Variants in TTC8 observed in about 807,000 individuals in gnomAD.
TTC8 encodes tetratricopeptide repeat domain 8.
A neutral mutation model predicts 72.5 loss-of-function variants in TTC8; 47 were observed. The ratio of observed to expected loss-of-function variants is 0.65; its 90% confidence interval spans 0.51 to 0.83. The LOEUF (loss-of-function observed/expected upper bound fraction) is 0.83. Ranked by LOEUF, TTC8 falls within the 40% of genes least tolerant of loss-of-function variation. The pLI is 0.00. For missense variants in TTC8, 611 were observed against 623.2 expected (o/e 0.98, Z 0.21); for synonymous variants, 199 against 221.4 (o/e 0.90, Z 0.90).
chr14:88,858,367 G>A (rs1202593725), intron 9 of TTC8, among the ~76,000 whole-genome samples: 7 of 152,104 alleles, frequency 4.6e-5, no homozygotes, highest in Non-Finnish European at 1.0e-4. Context: ...TTATCTGTTA[G>A]AGTTTCTTAA....
At chr14:88,824,895 G>C (rs1212065161) in intron 1 of TTC8, 74 bp downstream of exon 1, 80 of 1,411,744 alleles carry the variant, frequency 5.7e-5, no homozygotes, top group Non-Finnish European at 7.4e-5. Flanking sequence ...CCCAGCCCCG[G>C]GTTGGGAGGC....
chr14:88,875,435 C>CAA (rs1411075372), intron 14 of TTC8, among the ~76,000 whole-genome samples: 2 of 152,096 alleles, frequency 1.3e-5, no homozygotes, highest in African/African-American at 4.8e-5. Context: ...TTTACAGCAA[C>CAA]AAAATCCTGT....
chr14:88,863,550 G>A (rs568335379), intron 10 of TTC8, among the ~76,000 whole-genome samples: 1 of 152,224 alleles, frequency 6.6e-6, no homozygotes, highest in African/African-American at 2.4e-5. Context: ...ACTCCCAGAA[G>A]TAAACAGGCA....
At chr14:88,839,942 A>G (rs746423496) in intron 3 of TTC8, among the ~76,000 whole-genome samples, 4 of 152,214 alleles carry the variant, frequency 2.6e-5, no homozygotes, top group Non-Finnish European at 5.9e-5. Flanking sequence ...ATATCAGAAT[A>G]TTGTTTATCT....
At chr14:88,832,787 T>C (rs2094732209) in intron 1 of TTC8, among the ~76,000 whole-genome samples, 1 of 152,232 alleles carries the variant, frequency 6.6e-6, no homozygotes, top group Non-Finnish European at 1.5e-5. Context: ...TCTATACTTT[T>C]TCTACATCCT....
chr14:88,841,207 T>G lies in TTC8; in HGVS notation c.489+11T>G. On this transcript the variant is annotated intron_variant, in intron 5 of 14. Coordinates refer to ENST00000380656, the MANE Select transcript of TTC8 (RefSeq NM_144596.4). ...GTCAGGCTGGGAACGGTAAATTCTA[T>G]CAGCTTTCCCATAGCCTTGTATTAC... 6.2e-7 allele frequency: 1 copy of G among 1,614,018 alleles called. No homozygotes were observed. Among genetic ancestry groups the G allele is most frequent in the Non-Finnish European group, 8.5e-7 (1 of 1,179,978 alleles).
chr14:88,875,736 A>C (rs1450809664), intron 14 of TTC8, among the ~76,000 whole-genome samples: 1 of 152,218 alleles, frequency 6.6e-6, no homozygotes, highest in African/African-American at 2.4e-5. Context: ...ATAGACCATA[A>C]GATATTTATA....
chr14:88,875,725 G>GA (rs2094954689), intron 14 of TTC8, among the ~76,000 whole-genome samples: 1 of 152,112 alleles, frequency 6.6e-6, no homozygotes, highest in African/African-American at 2.4e-5. Flanking sequence ...TTAGGGTCTT[G>GA]ATAGACCATA....
At chr14:88,825,005 G>A (rs2094692512) in intron 1 of TTC8, among the ~76,000 whole-genome samples, 184 bp downstream of exon 1, 1 of 152,168 alleles carries the variant, frequency 6.6e-6, no homozygotes. Flanking sequence ...TGTCCGCCAC[G>A]TCCACGGGGA....
At chr14:88,876,624 A>G (rs4307881) in intron 14 of TTC8, among the ~76,000 whole-genome samples, 76,889 of 151,936 alleles carry the variant, frequency 0.51, 21,428 homozygotes, top group African/African-American at 0.75. Flanking sequence ...TCATAAATAT[A>G]TTATTATGTA....
chr14:88,863,176 T>A (rs2094896189), intron 10 of TTC8, among the ~76,000 whole-genome samples: 1 of 152,170 alleles, frequency 6.6e-6, no homozygotes, highest in Admixed American at 6.5e-5. Flanking sequence ...ATTTTGTAAT[T>A]ATCTCCAGAA....
At chr14:88,830,962 A>G (rs1314493601) in intron 1 of TTC8, 1 of 455,472 alleles carries the variant, frequency 2.2e-6, no homozygotes, top group African/African-American at 2.0e-5. Context: ...CCTTGCTGTC[A>G]TCCCACATAC....
intron 7 of TTC8, among the ~76,000 whole-genome samples, chr14:88,847,266 TAG>T (rs2094811364): frequency 1.3e-5 from 2 of 152,072 alleles, no homozygotes. Flanking sequence ...TGTAGTAAAA[TAG>T]ACCTGGGGAA....
intron 7 of TTC8, among the ~76,000 whole-genome samples, chr14:88,849,999 C>T (rs1410606693): frequency 6.6e-6 from 1 of 151,986 alleles, no homozygotes; most frequent in Non-Finnish European, 1.5e-5. Context: ...TTAGATCTGC[C>T]AAAATTCCTC....
rs200072787 is a variant in TTC8, at chr14:88,836,931, C to T, written c.145-2521C>T. 41 of 193,172 alleles carry T rather than the reference C, an allele frequency of 2.1e-4. 1 individual carries two copies. The East Asian group carries it at 4.4e-3, about 21-fold the overall frequency. 12.0% of individuals were successfully genotyped at this position (193,172 alleles called of 1,614,324 possible). ...AGAAAATTAGCTGGGCGTGGTGGCA[C>T]GTGCCTGTAATCCCAGCTACTTGGG... On this transcript the variant is annotated intron_variant, in intron 2 of 14. Transcript: ENST00000380656.
At chr14:88,856,912 T>C (rs1226583939) in intron 8 of TTC8, among the ~76,000 whole-genome samples, 1 of 152,152 alleles carries the variant, frequency 6.6e-6, no homozygotes. Context: ...GGTGAACTGA[T>C]GTGACCTGGC....
chr14:88,841,359 T>C, intron 5 of TTC8, 66 bp from the exon 6 acceptor site: 8 of 1,603,508 alleles, frequency 5.0e-6, no homozygotes, highest in Non-Finnish European at 6.8e-6. Context: ...TTTTTATGCA[T>C]ATTAAACTTG....
rs1034401162 is a variant in TTC8, at chr14:88,841,018, C to A, written c.330-19C>A. On this transcript the variant is annotated intron_variant, in intron 4 of 14. Coordinates refer to ENST00000380656, the MANE Select transcript of TTC8 (RefSeq NM_144596.4). ...TCAAATGATCTTCTTTGTATTATAA[C>A]AATTTATAATCTTCACAGGCCAATC... 1 of 1,613,868 alleles carries A rather than the reference C, an allele frequency of 6.2e-7. No individual in the cohort carries two copies.
Position 88,875,117 on chromosome 14 carries a change from CT to C in TTC8, c.1431+11del. The C allele has an allele frequency of 6.3e-7, 1 of 1,599,226 alleles. No individual in the cohort carries two copies. The highest frequency in any genetic ancestry group is 8.6e-7 in the Non-Finnish European group (1 of 1,167,858). On this transcript the variant is annotated intron_variant, in intron 14 of 14. Coordinates refer to ENST00000380656, the MANE Select transcript of TTC8 (RefSeq NM_144596.4). ...GCAACAATCTCTGATAAGGTATTCT[CT>C]TTCTTCATTAATTTATCATCTGATC...
Sources: allele counts gnomAD v4.1 joint callset (sites outside exome capture counted in the v4.1 genomes callset), GRCh38; gene constraint gnomAD v4.1.1; transcripts MANE v1.5; gene names NCBI Gene and HGNC (gene_info 2026-07-23, HGNC 2026-07-21).